Variants in FAM184A observed in about 807,000 individuals in gnomAD.
The protein encoded by FAM184A is family with sequence similarity 184 member A, also known as protein FAM184A.
In FAM184A, 99 loss-of-function variants were observed where a neutral mutation model predicts 143.8. The ratio of observed to expected loss-of-function variants is 0.69; its 90% CI spans 0.58 to 0.81. The LOEUF is 0.81. Ranked by LOEUF, FAM184A falls within the 40% of genes least tolerant of loss-of-function variation. The pLI is 0.00. For synonymous variants in FAM184A, 427 were observed against 446.4 expected (o/e 0.96, Z 0.55); for missense variants, 1,217 against 1,310.5 (o/e 0.93, Z 1.10).
chr6:119,066,954 T>C (rs1320381741), intron 1 of FAM184A, among the ~76,000 whole-genome samples: 2 of 152,220 alleles, frequency 1.3e-5, no homozygotes, highest in African/African-American at 2.4e-5. Flanking sequence ...AGTGACAATT[T>C]ATGCTAGAAA....
chr6:119,136,963 A>C (rs1248016298), intron 1 of FAM184A, among the ~76,000 whole-genome samples: 1 of 152,252 alleles, frequency 6.6e-6, no homozygotes, highest in Non-Finnish European at 1.5e-5. Context: ...AAAATTGCAG[A>C]TAGCTACTAT....
intron 9 of FAM184A, among the ~76,000 whole-genome samples, chr6:118,980,715 A>G (rs1783994334): frequency 6.6e-6 from 1 of 152,250 alleles, no homozygotes; most frequent in Admixed American, 6.5e-5. Flanking sequence ...CTTTGAGGAA[A>G]GAGTATGTTA....
chr6:119,138,268 G>A (rs976165583), intron 1 of FAM184A, among the ~76,000 whole-genome samples: 3 of 152,174 alleles, frequency 2.0e-5, no homozygotes, highest in Admixed American at 6.5e-5. Context: ...AGAAAGTACT[G>A]TTTTTCAATT....
At chr6:118,998,072 A>G (rs1215948214) in intron 9 of FAM184A, among the ~76,000 whole-genome samples, 1 of 152,144 alleles carries the variant, frequency 6.6e-6, no homozygotes, top group East Asian at 1.9e-4. Context: ...CAATACATCT[A>G]AGAGAAAACT....
intron 1 of FAM184A, among the ~76,000 whole-genome samples, chr6:119,047,778 G>A (rs940525173): frequency 3.3e-5 from 5 of 151,956 alleles, no homozygotes; most frequent in African/African-American, 9.7e-5. Context: ...ATGGATTCAC[G>A]GCCAAATTCT....
chr6:119,052,390 C>G (rs919754280), intron 1 of FAM184A, among the ~76,000 whole-genome samples: 1 of 152,188 alleles, frequency 6.6e-6, no homozygotes, highest in African/African-American at 2.4e-5. Flanking sequence ...GATGTCTGCA[C>G]TTACCTCTAT....
Position 119,023,564 on chromosome 6 carries a change from C to CGG in FAM184A, c.1014+394_1014+395insCC, listed in dbSNP as rs1324427094. On this transcript the variant is annotated intron_variant, in intron 2 of 17. Transcript: ENST00000338891. ...ATTAGCAATATTGTCCGCCCCCCCC[C>CGG]CCAGGAACAGCGTATTACCTCGCTA... 8.2e-4 allele frequency among the ~76,000 whole-genome samples: 92 copies of CGG among 112,246 alleles called. 4 individuals carry two copies. In the South Asian group the frequency reaches 0.01, roughly 12 times the overall value. The allele number at this position is 112,246 out of a possible 152,430, so 73.6% of individuals were successfully genotyped here.
intron 1 of FAM184A, among the ~76,000 whole-genome samples, chr6:119,146,397 C>CGT (rs60937351): frequency 0.2 from 27,243 of 136,146 alleles, 2,856 homozygotes; most frequent in Admixed American, 0.29. Context: ...GATTAACTTA[C>CGT]GTGTGTGTGT....
intron 1 of FAM184A, among the ~76,000 whole-genome samples, chr6:119,093,337 C>G (rs776323177): frequency 6.6e-6 from 1 of 152,142 alleles, no homozygotes; most frequent in Non-Finnish European, 1.5e-5. Context: ...TTTCAAGGCA[C>G]CGTCTTAGCA....
At chr6:119,019,251 A>G (rs1403361953) in intron 4 of FAM184A, among the ~76,000 whole-genome samples, 1 of 152,158 alleles carries the variant, frequency 6.6e-6, no homozygotes, top group Non-Finnish European at 1.5e-5. Context: ...AAGAGATGAG[A>G]GATTGTAAAT....
chr6:119,127,267 A>G (rs1327131608), intron 1 of FAM184A, among the ~76,000 whole-genome samples: 1 of 152,176 alleles, frequency 6.6e-6, no homozygotes, highest in Non-Finnish European at 1.5e-5. Flanking sequence ...TTTCACCTGC[A>G]AATCCCTTCA....
chr6:119,093,192 A>C (rs946335499), intron 1 of FAM184A, among the ~76,000 whole-genome samples: 5 of 152,172 alleles, frequency 3.3e-5, no homozygotes, highest in Admixed American at 2.6e-4. Flanking sequence ...ACCTTTGTGG[A>C]GGGAGTACAG....
intron 1 of FAM184A, among the ~76,000 whole-genome samples, chr6:119,074,010 A>G (rs1787783203): frequency 6.6e-6 from 1 of 152,236 alleles, no homozygotes; most frequent in African/African-American, 2.4e-5. Flanking sequence ...AGGAAGGAGT[A>G]AGCAACCAAT....
At chr6:119,003,377 A>G in intron 8 of FAM184A, 124 bp downstream of exon 8, 1 of 967,618 alleles carries the variant, frequency 1.0e-6, no homozygotes, top group Non-Finnish European at 1.4e-6. Context: ...TCTGTCTCTA[A>G]TCACAGGAAA....
chr6:118,963,566 A>G (rs1014251926), intron 16 of FAM184A: 2 of 152,094 alleles, frequency 1.3e-5, no homozygotes, highest in African/African-American at 4.8e-5. Context: ...TAAAGGAAGG[A>G]TAGATTCAGT....
At chr6:119,115,720 T>C (rs1582629503) in intron 1 of FAM184A, among the ~76,000 whole-genome samples, 1 of 151,504 alleles carries the variant, frequency 6.6e-6, no homozygotes, top group Admixed American at 6.6e-5. Context: ...CTCAGTACTT[T>C]GGGAGGCTGA....
At chr6:118,969,036 C>T (rs1458549467) in intron 14 of FAM184A, among the ~76,000 whole-genome samples, 2 of 152,208 alleles carry the variant, frequency 1.3e-5, no homozygotes, top group African/African-American at 4.8e-5. Context: ...GTAATTGAAT[C>T]ATGGGGGCAG....
intron 1 of FAM184A, among the ~76,000 whole-genome samples, chr6:119,102,952 T>C (rs187282876): frequency 6.6e-6 from 1 of 152,318 alleles, no homozygotes; most frequent in Non-Finnish European, 1.5e-5. Context: ...TCCCTTCTTA[T>C]TCTTTCTTAA....
intron 16 of FAM184A, chr6:118,963,577 G>A (rs1783400409): frequency 6.6e-6 from 1 of 151,954 alleles, no homozygotes; most frequent in Non-Finnish European, 1.5e-5. Flanking sequence ...TAGATTCAGT[G>A]TTCTTAATAG....
Sources: allele counts gnomAD v4.1 joint callset (sites outside exome capture counted in the v4.1 genomes callset), GRCh38; gene constraint gnomAD v4.1.1; transcripts MANE v1.5; gene names NCBI Gene and HGNC (gene_info 2026-07-23, HGNC 2026-07-21).